COMMD10: variants seen among roughly 807,000 people sequenced by gnomAD.
COMMD10 encodes COMM domain-containing protein 10.
In COMMD10, 33 loss-of-function variants were observed where a neutral mutation model predicts 28.9. The ratio of observed to expected loss-of-function variants is 1.14; its 90% CI spans 0.87 to 1.53. COMMD10 has a LOEUF of 1.53. Among genes scored for constraint, COMMD10 ranks in the 40% most tolerant of loss-of-function variants. The pLI is 0.00. For missense variants in COMMD10, 310 were observed against 233.4 expected, an observed-to-expected ratio of 1.33 and a Z score of -2.14; for synonymous variants, 110 against 81.7, an observed-to-expected ratio of 1.35 and a Z score of -1.87.
chr5:116,219,935 A>T (rs983251098), intron 5 of COMMD10, among the ~76,000 whole-genome samples: 1 of 151,744 alleles, frequency 6.6e-6, no homozygotes, highest in South Asian at 2.1e-4. Flanking sequence ...ATTTTGATAG[A>T]GTTTTTTATT....
chr5:116,237,985 A>G (rs1056664869), intron 5 of COMMD10, among the ~76,000 whole-genome samples: 3 of 152,164 alleles, frequency 2.0e-5, no homozygotes, highest in Admixed American at 6.5e-5. Flanking sequence ...AGTAAAAGCA[A>G]TCTGCTCCCA....
chr5:116,279,169 G>A (rs990458840), intron 5 of COMMD10, among the ~76,000 whole-genome samples: 1 of 151,672 alleles, frequency 6.6e-6, no homozygotes, highest in Non-Finnish European at 1.5e-5. Flanking sequence ...AAACCCTACT[G>A]GTACTTCCGT....
intron 5 of COMMD10, among the ~76,000 whole-genome samples, chr5:116,257,969 C>G (rs535600011): frequency 1.3e-5 from 2 of 151,602 alleles, no homozygotes; most frequent in African/African-American, 4.9e-5. Flanking sequence ...ATGTTCAAGG[C>G]TAACTATAAT....
At chr5:116,231,357 C>T (rs1749524191) in intron 5 of COMMD10, among the ~76,000 whole-genome samples, 1 of 152,006 alleles carries the variant, frequency 6.6e-6, no homozygotes, top group African/African-American at 2.4e-5. Flanking sequence ...TAAAAGTATG[C>T]AATACTAATG....
At chr5:116,255,329 G>A (rs1750251351) in intron 5 of COMMD10, among the ~76,000 whole-genome samples, 1 of 151,646 alleles carries the variant, frequency 6.6e-6, no homozygotes, top group Non-Finnish European at 1.5e-5. Flanking sequence ...GTGTGAATTT[G>A]ATCCTGTCAT....
At chr5:116,152,931 G>C (rs890673373) in intron 5 of COMMD10, among the ~76,000 whole-genome samples, 2 of 152,066 alleles carry the variant, frequency 1.3e-5, no homozygotes, top group African/African-American at 4.8e-5. Flanking sequence ...TTTATAGGTA[G>C]CTTTGTGAGT....
chr5:116,180,797 A>G (rs927165220), intron 5 of COMMD10, among the ~76,000 whole-genome samples: 5 of 152,130 alleles, frequency 3.3e-5, no homozygotes, highest in Non-Finnish European at 7.4e-5. Flanking sequence ...GCTATTGACG[A>G]CATTTTAATT....
At chr5:116,218,367 T>G (rs1190423818) in intron 5 of COMMD10, 3 of 582,654 alleles carry the variant, frequency 5.1e-6, no homozygotes, top group Non-Finnish European at 9.4e-6. Context: ...CTTTGGTGAG[T>G]CCAGGGGTCG....
chr5:116,176,215 A>C (rs898161280), intron 5 of COMMD10, among the ~76,000 whole-genome samples: 1 of 152,156 alleles, frequency 6.6e-6, no homozygotes, highest in Admixed American at 6.5e-5. Context: ...AGATTCAAGC[A>C]ATTCTCATGC....
chr5:116,170,941 C>G (rs144150600), intron 5 of COMMD10, among the ~76,000 whole-genome samples: 2,385 of 152,196 alleles, frequency 0.016, 30 homozygotes, highest in Admixed American at 0.03. Flanking sequence ...GATTTCATGG[C>G]TAAAACACCA....
intron 5 of COMMD10, among the ~76,000 whole-genome samples, chr5:116,233,015 A>T (rs12515329): frequency 6.6e-6 from 1 of 151,952 alleles, no homozygotes; most frequent in Non-Finnish European, 1.5e-5. Flanking sequence ...TAAAATGTGG[A>T]GCACGGTAGC....
intron 4 of COMMD10, among the ~76,000 whole-genome samples, chr5:116,110,978 T>A (rs1008722936): frequency 6.6e-6 from 1 of 152,188 alleles, no homozygotes. Flanking sequence ...AATATGAGAT[T>A]TGGATGGGAA....
intron 5 of COMMD10, among the ~76,000 whole-genome samples, chr5:116,194,125 A>G (rs1452682314): frequency 1.3e-5 from 2 of 152,178 alleles, no homozygotes; most frequent in African/African-American, 2.4e-5. Flanking sequence ...CTGAACAACA[A>G]TAATGACACA....
chr5:116,185,909 T>G (rs1015671074), intron 5 of COMMD10, among the ~76,000 whole-genome samples: 5 of 152,146 alleles, frequency 3.3e-5, no homozygotes, highest in Non-Finnish European at 7.4e-5. Flanking sequence ...ATTAGTCTTC[T>G]CTGTACCAAC....
At chr5:116,156,616 C>G (rs375091290) in intron 5 of COMMD10, among the ~76,000 whole-genome samples, 1 of 152,194 alleles carries the variant, frequency 6.6e-6, no homozygotes, top group African/African-American at 2.4e-5. Flanking sequence ...TGAATACTTT[C>G]CATCTCTTTT....
At chr5:116,106,132 A>T (rs1750832127) in intron 4 of COMMD10, among the ~76,000 whole-genome samples, 1 of 151,174 alleles carries the variant, frequency 6.6e-6, no homozygotes. Context: ...AGTGCTATAA[A>T]TTTCCCTCTG....
intron 5 of COMMD10, among the ~76,000 whole-genome samples, chr5:116,155,945 A>C (rs925258762): frequency 2.0e-5 from 3 of 152,218 alleles, no homozygotes; most frequent in South Asian, 4.1e-4. Context: ...TTGAGGTCCT[A>C]CAATTTTTGA....
At chr5:116,086,589 G>C (rs999179410) in intron 1 of COMMD10, among the ~76,000 whole-genome samples, 5 of 152,116 alleles carry the variant, frequency 3.3e-5, no homozygotes, top group Non-Finnish European at 7.4e-5. Flanking sequence ...CTCCTGAGTA[G>C]CTGGGATTAC....
chr5:116,147,792 T>A (rs1426243654), intron 5 of COMMD10, among the ~76,000 whole-genome samples: 5 of 151,762 alleles, frequency 3.3e-5, no homozygotes, highest in Non-Finnish European at 7.4e-5. Flanking sequence ...TGAGGAAAAA[T>A]AAAAAAATGT....
Sources: allele counts gnomAD v4.1 joint callset (sites outside exome capture counted in the v4.1 genomes callset), GRCh38; gene constraint gnomAD v4.1.1; transcripts MANE v1.5; gene names NCBI Gene and HGNC (gene_info 2026-07-23, HGNC 2026-07-21).